Variants in ANOS1 observed in about 807,000 individuals in gnomAD.
ANOS1 encodes anosmin-1.
ANOS1 carries 6 observed loss-of-function variants against 59.0 expected under a neutral mutation model. That is an observed-to-expected ratio of 0.10 (90% CI 0.06 to 0.20). ANOS1 has a LOEUF of 0.20. Among genes scored for constraint, ANOS1 ranks in the 10% least tolerant of loss-of-function variants. The probability of loss-of-function intolerance (pLI) is 1.00; values close to 1 mark genes in which losing one functional copy is unlikely to be tolerated. For synonymous variants in ANOS1, 217 were observed against 223.4 expected (o/e 0.97, Z 0.25); for missense variants, 433 against 542.3 (o/e 0.80, Z 2.00).
intron 3 of ANOS1, among the ~76,000 whole-genome samples, chrX:8,613,048 G>T (rs753764544): frequency 8.9e-6 from 1 of 112,291 alleles, no homozygotes; most frequent in East Asian, 2.8e-4. Flanking sequence ...AGTTACATGA[G>T]ATGAGAAGGC....
At chrX:8,696,332 A>C (rs1932684409) in intron 2 of ANOS1, among the ~76,000 whole-genome samples, 1 of 112,637 alleles carries the variant, frequency 8.9e-6, no homozygotes, top group African/African-American at 3.2e-5. Context: ...TTGGGCAAGA[A>C]ATTAGTTACT....
chrX:8,604,761 T>C (rs1362222653), intron 3 of ANOS1, among the ~76,000 whole-genome samples: 1 of 112,380 alleles, frequency 8.9e-6, no homozygotes, highest in Non-Finnish European at 1.9e-5. Context: ...ACAAAAGATA[T>C]ATTTCAGGAT....
chrX:8,651,265 C>T (rs1348947859), intron 2 of ANOS1, among the ~76,000 whole-genome samples: 2 of 112,584 alleles, frequency 1.8e-5, no homozygotes, highest in Non-Finnish European at 1.9e-5. Flanking sequence ...AGCAGATGGC[C>T]TTCCCATGCC....
chrX:8,705,962 T>C (rs1932777327), intron 1 of ANOS1, among the ~76,000 whole-genome samples: 1 of 112,340 alleles, frequency 8.9e-6, no homozygotes, highest in Admixed American at 9.5e-5. Flanking sequence ...TGAATGCTAG[T>C]CAATCTGGCT....
chrX:8,567,100 A>G (rs755451346), intron 8 of ANOS1, among the ~76,000 whole-genome samples: 1 of 112,212 alleles, frequency 8.9e-6, no homozygotes, highest in African/African-American at 3.2e-5. Flanking sequence ...GAGCCCCTGC[A>G]TGGCAGTTCT....
intron 1 of ANOS1, among the ~76,000 whole-genome samples, chrX:8,717,908 T>TA (rs916330345): frequency 1.8e-5 from 2 of 108,647 alleles, no homozygotes; most frequent in South Asian, 4.2e-4. Context: ...TACAAACTGT[T>TA]AAAAAATTAG....
At chrX:8,577,000 A>T (rs1930339397) in intron 6 of ANOS1, among the ~76,000 whole-genome samples, 1 of 111,340 alleles carries the variant, frequency 9.0e-6, no homozygotes, top group Admixed American at 9.6e-5. Flanking sequence ...CATAGCTCAA[A>T]AGCAGCCACA....
chrX:8,626,111 CAAAAAAAAAAAA>C (rs138234272), intron 2 of ANOS1, among the ~76,000 whole-genome samples: 17 of 24,527 alleles, frequency 6.9e-4, no homozygotes, highest in Non-Finnish European at 1.1e-3. Context: ...GACTCTGTCT[CAAAAAAAAAAAA>C]AAAAAAAAAA....
chrX:8,533,060 A>C lies in ANOS1; in HGVS notation c.1985-7T>G. On this transcript the variant is annotated splice_polypyrimidine_tract_variant and splice_region_variant and intron_variant, in intron 13 of 13. Transcript: ENST00000262648. ...CGATGCTTAAGATGAGATCCTAAAA[A>C]GTGACAAAATATGTCAGTCACATCC... The C allele has an allele frequency of 9.2e-7, 1 of 1,086,474 alleles. No homozygotes were observed. Among genetic ancestry groups the C allele is most frequent in the Middle Eastern group, 2.5e-4 (1 of 4,071 alleles). 89.5% of individuals were successfully genotyped at this position (1,086,474 alleles called of 1,213,427 possible).
chrX:8,586,517 A>C (rs929345110), intron 5 of ANOS1, among the ~76,000 whole-genome samples: 1 of 112,230 alleles, frequency 8.9e-6, no homozygotes, highest in East Asian at 2.8e-4. Flanking sequence ...TAACAGTAAA[A>C]AATAATACCA....
intron 8 of ANOS1, among the ~76,000 whole-genome samples, chrX:8,559,300 C>T (rs1929995068): frequency 1.8e-5 from 2 of 111,335 alleles, no homozygotes; most frequent in South Asian, 7.8e-4. Context: ...AAAGATGAGG[C>T]GAGAGTATGT....
In ANOS1 at chrX:8,731,813, C is replaced by T. The variant is rs756923731; in HGVS notation, c.207+17G>A. The stretch of plus-strand genomic sequence containing the variant: ...GCCGCAGCCCCAGAAAGAACCCGGG[C>T]GGGGGCCTCCCCGTACCTGGAAGTG... On this transcript the variant is annotated intron_variant, in intron 1 of 13. Coordinates refer to ENST00000262648, the MANE Select transcript of ANOS1 (RefSeq NM_000216.4). The T allele has an allele frequency of 2.5e-6, 3 of 1,180,420 alleles. No individual in the cohort carries two copies. Among genetic ancestry groups the T allele is most frequent in the Non-Finnish European group, 3.4e-6 (3 of 880,235 alleles).
intron 6 of ANOS1, among the ~76,000 whole-genome samples, chrX:8,577,078 G>A (rs958172382): frequency 1.8e-5 from 2 of 111,575 alleles, no homozygotes; most frequent in African/African-American, 6.5e-5. Flanking sequence ...CAGGTTGCAG[G>A]CCAAATTTGG....
At chrX:8,657,875 G>A (rs1379431091) in intron 2 of ANOS1, among the ~76,000 whole-genome samples, 1 of 111,095 alleles carries the variant, frequency 9.0e-6, no homozygotes, top group Non-Finnish European at 1.9e-5. Flanking sequence ...GGAGTCCAGG[G>A]TACACTAAGG....
At chrX:8,615,072 C>G (rs1931143407) in intron 3 of ANOS1, among the ~76,000 whole-genome samples, 1 of 110,352 alleles carries the variant, frequency 9.1e-6, no homozygotes, top group Non-Finnish European at 1.9e-5. Context: ...TTTACTACTA[C>G]TACGTCCCCT....
intron 6 of ANOS1, among the ~76,000 whole-genome samples, chrX:8,572,474 T>C (rs956308348): frequency 4.5e-5 from 5 of 112,188 alleles, no homozygotes; most frequent in African/African-American, 1.3e-4. Flanking sequence ...TTGTTCCTTT[T>C]CATGGCTGCA....
At chrX:8,534,605 T>A (rs1929558676) in intron 12 of ANOS1, 145 bp from the exon 13 acceptor site, 1 of 571,197 alleles carries the variant, frequency 1.8e-6, no homozygotes, top group African/African-American at 2.2e-5. Flanking sequence ...CATAGTTTAA[T>A]TTATAGACTA....
intron 1 of ANOS1, among the ~76,000 whole-genome samples, chrX:8,706,970 C>T (rs751229099): frequency 2.9e-4 from 32 of 111,571 alleles, no homozygotes; most frequent in East Asian, 1.4e-3. Flanking sequence ...AAAGAAAATG[C>T]GACTTCAACC....
rs1929607110 is a variant in ANOS1, at chrX:8,537,010, A to T, written c.1450-68T>A. 8.8e-6 allele frequency: 8 copies of T among 913,335 alleles called. No individual in the cohort carries two copies. The South Asian group carries it at 1.6e-4, about 19-fold the overall frequency. 75.3% of individuals were successfully genotyped at this position (913,335 alleles called of 1,213,427 possible). A position where few individuals can be genotyped will look rare whatever the true frequency, so the allele number is the denominator to read the frequency against. On this transcript the variant is annotated intron_variant, in intron 10 of 13. Coordinates refer to ENST00000262648, the MANE Select transcript of ANOS1 (RefSeq NM_000216.4). Reference sequence around the variant, plus strand: ...TAGGGATTAAAAAACACTGGCAAGAATTGAAATCATATTCCATCCAACAAG... The same window carrying T: ...TAGGGATTAAAAAACACTGGCAAGATTTGAAATCATATTCCATCCAACAAG...
Sources: allele counts gnomAD v4.1 joint callset (sites outside exome capture counted in the v4.1 genomes callset), GRCh38; gene constraint gnomAD v4.1.1; transcripts MANE v1.5; gene names NCBI Gene and HGNC (gene_info 2026-07-23, HGNC 2026-07-21).